GFRA2: variants seen among roughly 807,000 people sequenced by gnomAD.
GFRA2 encodes GDNF family receptor alpha-2.
A neutral mutation model predicts 48.3 loss-of-function variants in GFRA2; 17 were observed. The ratio of observed to expected loss-of-function variants is 0.35; its 90% confidence interval spans 0.24 to 0.53. The LOEUF (loss-of-function observed/expected upper bound fraction) is 0.53, where lower values mean the gene tolerates loss of function less well. Ranked by LOEUF, GFRA2 falls within the 20% of genes least tolerant of loss-of-function variation. The probability of loss-of-function intolerance (pLI) is 0.93; values close to 1 mark genes in which losing one functional copy is unlikely to be tolerated. For synonymous variants in GFRA2, 305 were observed against 257.2 expected (o/e 1.19, Z -1.78); for missense variants, 660 against 637.3 (o/e 1.04, Z -0.38).
chr8:21,793,484 C>G (rs1339607746), upstream of GFRA2, among the ~76,000 whole-genome samples: 2 of 152,130 alleles, frequency 1.3e-5, no homozygotes, highest in Non-Finnish European at 2.9e-5. Flanking sequence ...AGCCTAGCGG[C>G]TCAGCCTTTG....
intron 1 of GFRA2, among the ~76,000 whole-genome samples, chr8:21,786,764 T>A (rs1042755212): frequency 6.6e-6 from 1 of 152,140 alleles, no homozygotes; most frequent in Non-Finnish European, 1.5e-5. Flanking sequence ...GGACACCCAA[T>A]GACTCCGGTC....
At chr8:21,809,141 A>T (rs1330311236) in intron 1 of GFRA2, among the ~76,000 whole-genome samples, 1 of 152,150 alleles carries the variant, frequency 6.6e-6, no homozygotes, top group Non-Finnish European at 1.5e-5. Context: ...TCACGCAAGG[A>T]GTAAGTGAAT....
chr8:21,723,280 G>A (rs1803691826), intron 4 of GFRA2, among the ~76,000 whole-genome samples: 1 of 152,176 alleles, frequency 6.6e-6, no homozygotes, highest in South Asian at 2.1e-4. Context: ...CAGGCATCTG[G>A]CAAGGTTCTT....
At chr8:21,778,016 C>T (rs999424852) in intron 2 of GFRA2, among the ~76,000 whole-genome samples, 6 of 152,296 alleles carry the variant, frequency 3.9e-5, no homozygotes, top group Admixed American at 2.0e-4. Flanking sequence ...ACCTGCTGTG[C>T]GCCTTGACTG....
intron 3 of GFRA2, among the ~76,000 whole-genome samples, chr8:21,754,624 T>C (rs1805475546): frequency 6.6e-6 from 1 of 152,006 alleles, no homozygotes; most frequent in African/African-American, 2.4e-5. Context: ...TTCTCCTGCT[T>C]CAGCCTCCTG....
Position 21,802,090 on chromosome 8 carries a change from A to G in GFRA2, c.-36+2927T>C, listed in dbSNP as rs1246154434. ...GCAGTTTGCAGATTGGAAATGCAAAAGGAACCAGAATGTCTCACCCTTCTC... is the reference window on the plus strand; with the variant it reads ...GCAGTTTGCAGATTGGAAATGCAAAGGGAACCAGAATGTCTCACCCTTCTC... On this transcript the variant is annotated intron_variant, in intron 2 of 10. Transcript: ENST00000517328. Among the ~76,000 whole-genome samples, 5 of 152,204 alleles carry G rather than the reference A, an allele frequency of 3.3e-5. No homozygotes were observed. In the East Asian group the frequency reaches 9.6e-4, roughly 29 times the overall value.
At chr8:21,706,181 C>T (rs528529324) in intron 4 of GFRA2, 140 bp from the exon 5 acceptor site, 6 of 642,284 alleles carry the variant, frequency 9.3e-6, no homozygotes, top group South Asian at 5.5e-5. Context: ...GGAGGAAAGT[C>T]GGGGGAACCA....
intron 3 of GFRA2, among the ~76,000 whole-genome samples, chr8:21,754,509 T>A (rs10112055): frequency 0.025 from 3,656 of 143,390 alleles, 148 homozygotes; most frequent in African/African-American, 0.086. Flanking sequence ...TTTTTTCTTT[T>A]TTTTTTTTTT....
chr8:21,787,712 C>A (rs896489304), intron 1 of GFRA2, among the ~76,000 whole-genome samples: 1 of 152,240 alleles, frequency 6.6e-6, no homozygotes, highest in African/African-American at 2.4e-5. Flanking sequence ...CAGGACTGTT[C>A]TCTCCCCGCC....
upstream of GFRA2, among the ~76,000 whole-genome samples, chr8:21,793,086 C>T (rs1349383631): frequency 6.6e-6 from 1 of 151,970 alleles, no homozygotes; most frequent in East Asian, 1.9e-4. Context: ...AGAGAAAGTT[C>T]TCAGGAAAGG....
At chr8:21,759,173 T>C (rs1243937742) in intron 3 of GFRA2, among the ~76,000 whole-genome samples, 1 of 152,018 alleles carries the variant, frequency 6.6e-6, no homozygotes, top group Non-Finnish European at 1.5e-5. Flanking sequence ...GGCAGATCAC[T>C]GGAGGCCAGG....
At chr8:21,718,516 C>G (rs888234678) in intron 4 of GFRA2, among the ~76,000 whole-genome samples, 3 of 152,208 alleles carry the variant, frequency 2.0e-5, no homozygotes, top group Admixed American at 2.0e-4. Flanking sequence ...GCCTGCAACA[C>G]AGTGGGCACT....
chr8:21,782,793 G>A lies in GFRA2; in HGVS notation c.147C>T (p.Ala49=), dbSNP rs948241167. The change falls in exon 2 of 9, where the codon GCC becomes GCT. Residue 49 remains alanine (A), a synonymous_variant. Transcript: ENST00000524240. ...DCVRANELCA[A]ESNCSSRYRT... is the part of the protein sequence containing the mutation. The stretch of plus-strand genomic sequence containing the variant: ...GGTAGCGAGAGCTGCAGTTGGATTC[G>A]GCGGCACACAGCTCATTGGCCCGGA... 8.8e-6 allele frequency: 14 copies of A among 1,585,266 alleles called. No individual in the cohort carries two copies. The South Asian group carries it at 1.3e-4, about 14-fold the overall frequency.
chr8:21,807,172 T>C (rs1049164530), intron 1 of GFRA2, among the ~76,000 whole-genome samples: 3 of 152,242 alleles, frequency 2.0e-5, no homozygotes, highest in African/African-American at 7.2e-5. Context: ...GTCATTATAG[T>C]AGTATTCAGC....
chr8:21,723,607 T>C (rs1803710285), intron 4 of GFRA2, among the ~76,000 whole-genome samples: 1 of 151,010 alleles, frequency 6.6e-6, no homozygotes, highest in African/African-American at 2.4e-5. Flanking sequence ...CCCCTGAGGG[T>C]TCCACCACCA....
chr8:21,701,799 C>G (rs567342244), intron 7 of GFRA2, among the ~76,000 whole-genome samples: 1 of 152,250 alleles, frequency 6.6e-6, no homozygotes, highest in South Asian at 2.1e-4. Flanking sequence ...ACTGATGGCT[C>G]GGCAAACTGC....
At chr8:21,737,967 C>T (rs1184770229) in intron 4 of GFRA2, among the ~76,000 whole-genome samples, 8 of 152,154 alleles carry the variant, frequency 5.3e-5, no homozygotes, top group Non-Finnish European at 1.0e-4. Context: ...GCTTTTCATG[C>T]ATTATTTCCC....
At chr8:21,769,283 C>T in intron 3 of GFRA2, 1 of 367,220 alleles carries the variant, frequency 2.7e-6, no homozygotes, top group Non-Finnish European at 3.6e-6. Context: ...CTTCCATGAT[C>T]GATTCCTGCA....
chr8:21,695,969 G>A (rs942815453), intron 7 of GFRA2, among the ~76,000 whole-genome samples: 14 of 151,956 alleles, frequency 9.2e-5, no homozygotes, highest in South Asian at 6.3e-4. Flanking sequence ...GCCAGTCCCC[G>A]CCCTTTCTGG....
Sources: allele counts gnomAD v4.1 joint callset (sites outside exome capture counted in the v4.1 genomes callset), GRCh38; gene constraint gnomAD v4.1.1; transcripts MANE v1.5; gene names NCBI Gene and HGNC (gene_info 2026-07-23, HGNC 2026-07-21).